The following HIP1 variants were observed in gnomAD, a reference collection of about 807,000 sequenced individuals.
HIP1 encodes huntingtin-interacting protein 1.
HIP1 carries 65 observed loss-of-function variants against 147.6 expected under a neutral mutation model. The observed-to-expected ratio is 0.44, with a 90% CI of 0.36 to 0.54. HIP1 has a LOEUF of 0.54. Among genes scored for constraint, HIP1 ranks in the 20% least tolerant of loss-of-function variants. The pLI is 0.00. For synonymous variants in HIP1, 479 were observed against 504.0 expected (o/e 0.95, Z 0.67); for missense variants, 1,061 against 1,299.6 (o/e 0.82, Z 2.82).
chr7:75,692,785 A>G (rs1429445260), intron 1 of HIP1, among the ~76,000 whole-genome samples: 1 of 152,028 alleles, frequency 6.6e-6, no homozygotes, highest in African/African-American at 2.4e-5. Flanking sequence ...GATACGACAT[A>G]ATTCTCTTGG....
At position 75,561,362 on chromosome 7, in the gene HIP1, T is replaced by C; in HGVS notation, c.1158A>G (p.Gly386=). Residue 386 remains glycine (G), a synonymous_variant, in exon 13 of 31, where the codon GGA becomes GGG. Coordinates refer to ENST00000336926, the MANE Select transcript of HIP1 (RefSeq NM_005338.7). ...LIERLYREIS[G]LKAQLENMKT... Reference sequence around the variant, plus strand: ...TCATGTTTTCTAGCTGTGCCTTCAATCCACTGATCTCTCTGTATAGTCGCT... The same window carrying C: ...TCATGTTTTCTAGCTGTGCCTTCAACCCACTGATCTCTCTGTATAGTCGCT... 6.2e-7 allele frequency: 1 copy of C among 1,613,512 alleles called. No individual in the cohort carries two copies.
intron 1 of HIP1, among the ~76,000 whole-genome samples, chr7:75,730,344 T>TC (rs1270642510): frequency 6.6e-6 from 1 of 151,440 alleles, no homozygotes; most frequent in East Asian, 1.9e-4. Context: ...AAATAGGATT[T>TC]TTTTTTTTTT....
chr7:75,557,015 T>TATTA, intron 16 of HIP1, among the ~76,000 whole-genome samples: 1 of 135,870 alleles, frequency 7.4e-6, no homozygotes, highest in Non-Finnish European at 1.6e-5. Flanking sequence ...AGGAAGGATT[T>TATTA]TTTATTATTT....
At position 75,698,779 on chromosome 7, in the gene HIP1, C is replaced by T. The variant is rs565393753; in HGVS notation, c.120+40022G>A. 5.3e-5 allele frequency among the ~76,000 whole-genome samples: 8 copies of T among 151,516 alleles called. 1 individual carries two copies. The highest frequency in any genetic ancestry group is 1.9e-4 in the African/African-American group (8 of 41,212). On this transcript the variant is annotated intron_variant, in intron 1 of 30. Coordinates refer to ENST00000336926, the MANE Select transcript of HIP1 (RefSeq NM_005338.7). Reference sequence around the variant, plus strand: ...AGGCTGCAGTGAGCTATGATCATATCATGTACTCCAGCCTGGATGACAGAG... The same window carrying T: ...AGGCTGCAGTGAGCTATGATCATATTATGTACTCCAGCCTGGATGACAGAG...
At chr7:75,581,498 G>T (rs1385807052) in intron 6 of HIP1, among the ~76,000 whole-genome samples, 200 bp from the exon 7 acceptor site, 2 of 152,238 alleles carry the variant, frequency 1.3e-5, no homozygotes, top group African/African-American at 4.8e-5. Flanking sequence ...ACAGCGACAG[G>T]TCGGGGGCGG....
At chr7:75,643,073 C>T (rs1554510691) in intron 1 of HIP1, among the ~76,000 whole-genome samples, 1 of 152,162 alleles carries the variant, frequency 6.6e-6, no homozygotes, top group Non-Finnish European at 1.5e-5. Context: ...AGGCTGACAC[C>T]TACTGGTGAG....
intron 1 of HIP1, among the ~76,000 whole-genome samples, chr7:75,703,608 A>T (rs782794951): frequency 3.3e-5 from 5 of 152,118 alleles, no homozygotes; most frequent in Non-Finnish European, 7.4e-5. Context: ...GTCTCAAAAA[A>T]AAAAACAAAA....
chr7:75,726,493 C>T (rs1801654789), intron 1 of HIP1, among the ~76,000 whole-genome samples: 1 of 151,980 alleles, frequency 6.6e-6, no homozygotes, highest in Admixed American at 6.6e-5. Context: ...CCTTGTTAGC[C>T]AGGCTGATCT....
intron 18 of HIP1, 83 bp downstream of exon 18, chr7:75,555,943 G>A (rs1214399432): frequency 6.5e-7 from 1 of 1,538,778 alleles, no homozygotes; most frequent in Non-Finnish European, 8.9e-7. Flanking sequence ...AGCAGCCCCG[G>A]GGTCCTCCCA....
intron 1 of HIP1, among the ~76,000 whole-genome samples, chr7:75,680,141 C>T (rs1800016434): frequency 6.6e-6 from 1 of 152,182 alleles, no homozygotes; most frequent in Non-Finnish European, 1.5e-5. Context: ...CTCCTGGGTT[C>T]AAGCAATTCT....
intron 2 of HIP1, among the ~76,000 whole-genome samples, chr7:75,594,019 C>A (rs1413037556): frequency 6.6e-6 from 1 of 151,690 alleles, no homozygotes; most frequent in African/African-American, 2.4e-5. Context: ...CGGTGGCTCA[C>A]ACCTCCAATC....
intron 1 of HIP1, among the ~76,000 whole-genome samples, chr7:75,719,320 C>A (rs377665853): frequency 6.6e-6 from 1 of 151,736 alleles, no homozygotes; most frequent in Non-Finnish European, 1.5e-5. Flanking sequence ...CTGGCCAACA[C>A]GGTGAAACCC....
At chr7:75,586,303 A>G (rs1378168838) in intron 5 of HIP1, among the ~76,000 whole-genome samples, 1 of 151,400 alleles carries the variant, frequency 6.6e-6, no homozygotes, top group Non-Finnish European at 1.5e-5. Flanking sequence ...CTCAGGTTCA[A>G]GCGATTCTCC....
intron 1 of HIP1, among the ~76,000 whole-genome samples, chr7:75,629,535 C>A (rs151300593): frequency 1.8e-3 from 251 of 140,630 alleles, no homozygotes; most frequent in African/African-American, 6.6e-3. Flanking sequence ...AATTGCGGCT[C>A]CCCCGCTTTT....
At chr7:75,581,770 C>G (rs1325030559) in intron 6 of HIP1, among the ~76,000 whole-genome samples, 2 of 152,152 alleles carry the variant, frequency 1.3e-5, no homozygotes, top group African/African-American at 4.8e-5. Flanking sequence ...CAGGGCAAGA[C>G]TGCCTCTCAA....
In HIP1 at chr7:75,635,849, T is replaced by C. The variant is rs183919091; in HGVS notation, c.121-36602A>G. Among the ~76,000 whole-genome samples the C allele has an allele frequency of 1.6e-3, 247 of 150,070 alleles. 2 individuals are homozygous for C. The highest frequency in any genetic ancestry group is 5.7e-3 in the African/African-American group (231 of 40,736). On this transcript the variant is annotated intron_variant, in intron 1 of 30. Transcript: ENST00000336926. Reference sequence around the variant, plus strand: ...ACCAGCCTGGGCAACATGGCAAAACTCCGTCTCTGCAAAAAATACAAAAAT... The same window carrying C: ...ACCAGCCTGGGCAACATGGCAAAACCCCGTCTCTGCAAAAAATACAAAAAT...
chr7:75,725,678 A>T (rs1282241959), intron 1 of HIP1, among the ~76,000 whole-genome samples: 2 of 152,172 alleles, frequency 1.3e-5, no homozygotes, highest in Non-Finnish European at 2.9e-5. Flanking sequence ...GTTTATTTTC[A>T]TGGGTGTATA....
chr7:75,695,574 T>TTTG (rs3216945), intron 1 of HIP1, among the ~76,000 whole-genome samples: 72,607 of 148,538 alleles, frequency 0.49, 17,804 homozygotes, highest in African/African-American at 0.58. Flanking sequence ...ACCAGTTTTT[T>TTTG]TTGTTGTTGT....
In HIP1 at chr7:75,657,390, C is replaced by T. The variant is rs558961900; in HGVS notation, c.121-58143G>A. ...ACTAAAAATACAAAAATTAGCCAGG[C>T]ATGGTGGCAGGCACCTGTAATCCCA... On this transcript the variant is annotated intron_variant, in intron 1 of 30. Coordinates refer to ENST00000336926, the MANE Select transcript of HIP1 (RefSeq NM_005338.7). Among the ~76,000 whole-genome samples, 5 of 152,048 alleles carry T rather than the reference C, an allele frequency of 3.3e-5. No homozygotes were observed. The South Asian group carries it at 1.0e-3, about 32-fold the overall frequency.
Sources: gnomAD v4.1 joint callset for allele counts (sites outside exome capture counted in the v4.1 genomes callset) on GRCh38, gnomAD v4.1.1 for gene constraint, MANE v1.5 for transcripts, NCBI Gene and HGNC (gene_info 2026-07-23, HGNC 2026-07-21) for gene names.